The following CRYBG1 variants were observed in gnomAD, a reference collection of about 807,000 sequenced individuals.
The protein encoded by CRYBG1 is crystallin beta-gamma domain containing 1.
Under a neutral mutation model 189.2 loss-of-function variants are expected in CRYBG1, and 139 were observed. The observed-to-expected ratio is 0.73, with a 90% confidence interval of 0.64 to 0.85. The LOEUF is 0.85. Ranked by LOEUF, CRYBG1 falls within the 40% of genes least tolerant of loss-of-function variation. CRYBG1 has a pLI of 0.00. For missense variants in CRYBG1, 2,611 were observed against 2,675.8 expected, an observed-to-expected ratio of 0.98 and a Z score of 0.53; for synonymous variants, 1,023 against 1,017.1, an observed-to-expected ratio of 1.01 and a Z score of -0.11.
intron 2 of CRYBG1, among the ~76,000 whole-genome samples, chr6:106,466,271 A>C (rs1490433450): frequency 6.6e-6 from 1 of 152,250 alleles, no homozygotes; most frequent in Non-Finnish European, 1.5e-5. Flanking sequence ...TAGGTGGATT[A>C]CAGGAGAAAC....
At chr6:106,382,428 C>A (rs1352681263) in intron 1 of CRYBG1, among the ~76,000 whole-genome samples, 1 of 152,144 alleles carries the variant, frequency 6.6e-6, no homozygotes, top group Non-Finnish European at 1.5e-5. Context: ...CAGTTATTAG[C>A]ATCATTCCTG....
rs778536395 is a variant in CRYBG1 at position 106,544,886 on chromosome 6, G to C, written c.5265G>C (p.Glu1755Asp). ...DVLGIVANLKETGYGVKTQSI... is the reference protein window; with the variant it reads ...DVLGIVANLKDTGYGVKTQSI... ...TGGGAATTGTTGCTAATTTAAAGGA[G>C]ACTGGATATGGAGTGAAGACACAGT... The change falls in exon 13 of 22, where the codon GAG becomes GAC. Residue 1755 changes from glutamate (E) to aspartate (D), a missense_variant. Physicochemically the swap from Glu to Asp is conservative, Grantham distance 45 (BLOSUM62 2). This residue lies in a region of CRYBG1 where 1,622 missense variants were observed against 1,735.0 expected (regional missense o/e 0.93). Transcript: ENST00000633556. 1 of 1,613,530 alleles carries C rather than the reference G, an allele frequency of 6.2e-7. No homozygotes were observed. Among genetic ancestry groups the C allele is most frequent in the Admixed American group, 1.7e-5 (1 of 59,924 alleles).
intron 1 of CRYBG1, among the ~76,000 whole-genome samples, chr6:106,414,006 G>A (rs143509368): frequency 2.0e-4 from 31 of 152,232 alleles, no homozygotes; most frequent in African/African-American, 5.8e-4. Context: ...CAGATTTTAA[G>A]GAAATGGACA....
At chr6:106,555,981 C>T in intron 17 of CRYBG1, 84 bp downstream of exon 17, 1 of 1,502,612 alleles carries the variant, frequency 6.7e-7, no homozygotes, top group Non-Finnish European at 9.2e-7. Context: ...GCCGGTAGAA[C>T]CTGCTCTTAA....
intron 1 of CRYBG1, among the ~76,000 whole-genome samples, chr6:106,400,637 A>T (rs1380437830): frequency 6.6e-6 from 1 of 152,212 alleles, no homozygotes; most frequent in Non-Finnish European, 1.5e-5. Flanking sequence ...TAGTATACAG[A>T]ATAAACCCTA....
In CRYBG1 at chr6:106,569,582, GT is replaced by G. The variant is rs982719939; in HGVS notation, c.*1019del. On this transcript the variant is annotated 3_prime_UTR_variant, in exon 22 of 22. Coordinates refer to ENST00000633556, the MANE Select transcript of CRYBG1 (RefSeq NM_001371242.2). ...CCCTAGAATGTCACAAATGAGGGTT[GT>G]TTAATGCCTTTCTTATAGCTGCTAC... 1.3e-5 allele frequency: 2 copies of G among 152,284 alleles called. No homozygotes were observed. Among genetic ancestry groups the G allele is most frequent in the African/African-American group, 4.8e-5 (2 of 41,552 alleles). 9.4% of individuals were successfully genotyped at this position (152,284 alleles called of 1,614,324 possible).
Position 106,527,442 on chromosome 6 carries a change from T to G in CRYBG1, c.4550T>G (p.Val1517Gly). The G allele has an allele frequency of 6.2e-7, 1 of 1,612,084 alleles. No individual in the cohort carries two copies. The highest frequency in any genetic ancestry group is 8.5e-7 in the Non-Finnish European group (1 of 1,178,792). Reference protein sequence around the residue: ...HEEAESDKPVVIGSIRHVVQD... With the variant: ...HEEAESDKPVGIGSIRHVVQD... Reference sequence around the variant, plus strand: ...GAAGCAGAGTCTGATAAGCCAGTGGTGATTGGTTCCATCAGACATGTGGTT... The same window carrying G: ...GAAGCAGAGTCTGATAAGCCAGTGGGGATTGGTTCCATCAGACATGTGGTT... Residue 1517 changes from valine to glycine, a missense_variant, in exon 7 of 22, where the codon GTG (valine) becomes GGG (glycine). Val to Gly is a moderately radical substitution (Grantham distance 109). Coordinates refer to ENST00000633556, the MANE Select transcript of CRYBG1 (RefSeq NM_001371242.2).
At position 106,520,496 on chromosome 6, in the gene CRYBG1, T is replaced by A; in HGVS notation, c.3288T>A (p.Asp1096Glu). ...TGAACATTTCTGCTGGTAGTGATGA[T>A]AGTGTATTTGATTCTTCTTCTGATA... ...SLLNISAGSD[D>E]SVFDSSSDME... Residue 1096 changes from aspartate (D) to glutamate (E), a missense_variant, in exon 4 of 22, where the codon GAT (aspartate) becomes GAA (glutamate). By Grantham distance (45) the Asp-to-Glu change is conservative (BLOSUM62 2). Around this residue, in one of 3 missense-constraint regions of CRYBG1, gnomAD observed 1,622 missense variants for 1,735.0 expected, o/e 0.93. Coordinates refer to ENST00000633556, the MANE Select transcript of CRYBG1 (RefSeq NM_001371242.2). 6.2e-7 allele frequency: 1 copy of A among 1,614,214 alleles called. No individual in the cohort carries two copies. Among genetic ancestry groups the A allele is most frequent in the Non-Finnish European group, 8.5e-7 (1 of 1,180,036 alleles).
At chr6:106,459,545 GTTT>G (rs35095662) in intron 2 of CRYBG1, among the ~76,000 whole-genome samples, 5,864 of 138,928 alleles carry the variant, frequency 0.042, 159 homozygotes, top group Non-Finnish European at 0.067. Flanking sequence ...CCATTTGTGG[GTTT>G]TTTTTTTTTT....
chr6:106,543,320 G>A (rs78512783), intron 10 of CRYBG1, 120 bp from the exon 11 acceptor site: 116,711 of 1,010,908 alleles, frequency 0.12, 7,325 homozygotes, highest in South Asian at 0.19. Context: ...GTGAGCCACC[G>A]CGCCCAGTCA....
chr6:106,529,716 G>T (rs1454793926), intron 7 of CRYBG1, among the ~76,000 whole-genome samples: 6 of 152,108 alleles, frequency 3.9e-5, no homozygotes, highest in Non-Finnish European at 8.8e-5. Flanking sequence ...TATCATAGAG[G>T]TTTACTCAGT....
Position 106,520,357 on chromosome 6 carries a change from C to T in CRYBG1, c.3149C>T (p.Pro1050Leu), listed in dbSNP as rs1316366859. ...IQAQSQGSRT[P>L]LMAESSPTNS... is the part of the protein sequence containing the mutation. Reference sequence around the variant, plus strand: ...GCTCAAAGTCAGGGCAGCAGAACACCCCTGATGGCTGAATCCAGTCCCACC... The same window carrying T: ...GCTCAAAGTCAGGGCAGCAGAACACTCCTGATGGCTGAATCCAGTCCCACC... Residue 1050 changes from proline (P) to leucine (L), a missense_variant, in exon 4 of 22, where the codon CCC becomes CTC. By Grantham distance (98) the Pro-to-Leu change is moderately conservative. This residue lies in a region of CRYBG1 where 1,622 missense variants were observed against 1,735.0 expected (regional missense o/e 0.93). Transcript: ENST00000633556. 1 of 1,614,072 alleles carries T rather than the reference C, an allele frequency of 6.2e-7. No homozygotes were observed. The highest frequency in any genetic ancestry group is 2.2e-5 in the East Asian group (1 of 44,882).
At chr6:106,503,647 G>C (rs1280818961) in intron 2 of CRYBG1, among the ~76,000 whole-genome samples, 2 of 152,088 alleles carry the variant, frequency 1.3e-5, no homozygotes, top group Admixed American at 1.3e-4. Context: ...ATTATCAGTG[G>C]AATGAATGAG....
chr6:106,520,496 T>C lies in CRYBG1; in HGVS notation c.3288T>C (p.Asp1096=), dbSNP rs1321615095. The C allele has an allele frequency of 6.2e-7, 1 of 1,614,214 alleles. No individual in the cohort carries two copies. Among genetic ancestry groups the C allele is most frequent in the Non-Finnish European group, 8.5e-7 (1 of 1,180,036 alleles). Residue 1096 remains aspartate, a synonymous_variant, in exon 4 of 22, where the codon GAT becomes GAC. Transcript: ENST00000633556. ...SLLNISAGSD[D]SVFDSSSDME... is the part of the protein sequence containing the mutation. ...TGAACATTTCTGCTGGTAGTGATGA[T>C]AGTGTATTTGATTCTTCTTCTGATA... is the stretch of plus-strand genomic sequence containing the variant.
intron 2 of CRYBG1, among the ~76,000 whole-genome samples, chr6:106,464,694 T>A (rs897323779): frequency 2.0e-5 from 3 of 152,224 alleles, no homozygotes; most frequent in African/African-American, 7.2e-5. Flanking sequence ...GTGATGACAG[T>A]ACCATTAAAA....
rs539981474 is a variant in CRYBG1 at position 106,365,246 on chromosome 6, T to C, written c.173+4165T>C. Among the ~76,000 whole-genome samples the C allele has an allele frequency of 5.4e-4, 82 of 151,732 alleles. No individual in the cohort carries two copies. The South Asian group carries it at 0.015, about 27-fold the overall frequency. On this transcript the variant is annotated intron_variant, in intron 1 of 21. Transcript: ENST00000633556. ...GAGTTCAAGACCAGCCTGGCCAACA[T>C]GGTGAAACCATGTATGTAAAAATAC...
intron 2 of CRYBG1, among the ~76,000 whole-genome samples, chr6:106,470,368 T>C (rs1448860155): frequency 1.3e-5 from 2 of 151,994 alleles, no homozygotes; most frequent in African/African-American, 4.8e-5. Context: ...CATTCCTTCA[T>C]TGGACTGACA....
chr6:106,406,653 A>G (rs6907196), intron 1 of CRYBG1, among the ~76,000 whole-genome samples: 98,069 of 151,108 alleles, frequency 0.65, 31,699 homozygotes, highest in South Asian at 0.76. Flanking sequence ...TCGGGTTACC[A>G]ACAAAGGGAA....
chr6:106,497,633 A>AGAAAGAGC (rs1181598746), intron 2 of CRYBG1, among the ~76,000 whole-genome samples: 1 of 152,280 alleles, frequency 6.6e-6, no homozygotes, highest in Non-Finnish European at 1.5e-5. Flanking sequence ...ATAGAAGAAG[A>AGAAAGAGC]GAAAGAGCAC....
Sources: gnomAD v4.1 joint callset for allele counts (sites outside exome capture counted in the v4.1 genomes callset) on GRCh38, gnomAD v4.1.1 for gene constraint, gnomAD v4.1.1 regional missense constraint, MANE v1.5 for transcripts, NCBI Gene and HGNC (gene_info 2026-07-23, HGNC 2026-07-21) for gene names.